BCAS1: variants seen among roughly 807,000 people sequenced by gnomAD.
The protein encoded by BCAS1 is breast carcinoma-amplified sequence 1.
BCAS1 carries 46 observed loss-of-function variants against 65.4 expected under a neutral mutation model. The observed-to-expected ratio is 0.70, with a 90% CI of 0.55 to 0.90. BCAS1 has a LOEUF of 0.90. BCAS1 is among the 40% of genes least tolerant of loss of function. The pLI, the probability that BCAS1 is intolerant of heterozygous loss-of-function variation, is 0.00. For missense variants in BCAS1, 793 were observed against 771.2 expected (o/e 1.03, Z -0.33); for synonymous variants, 298 against 293.5 (o/e 1.02, Z -0.16).
In BCAS1 at chr20:54,057,976, A is replaced by T. The variant is rs990702393; in HGVS notation, c.142+109T>A. The T allele has an allele frequency of 3.8e-5, 32 of 835,948 alleles. 1 individual carries two copies. Among genetic ancestry groups the T allele is most frequent in the Non-Finnish European group, 5.8e-6 (3 of 520,380 alleles). 51.8% of individuals were successfully genotyped at this position (835,948 alleles called of 1,614,324 possible). ...AACAAACGCAAGTATTTTCAAACTG[A>T]GCCTGCGGCTTCGACCCTTTCATTT... On this transcript the variant is annotated intron_variant, in intron 3 of 12. Transcript: ENST00000688948.
intron 4 of BCAS1, among the ~76,000 whole-genome samples, chr20:54,015,965 A>G (rs1367216988): frequency 6.6e-6 from 1 of 152,256 alleles, no homozygotes; most frequent in Non-Finnish European, 1.5e-5. Flanking sequence ...CGATTATTCT[A>G]TTACTGAAAG....
chr20:53,991,277 C>T (rs1169100208), intron 7 of BCAS1, among the ~76,000 whole-genome samples: 1 of 152,158 alleles, frequency 6.6e-6, no homozygotes, highest in East Asian at 1.9e-4. Flanking sequence ...TTTAATCTTC[C>T]CTCCCCCGTT....
At chr20:53,994,865 T>C in intron 6 of BCAS1, 147 bp downstream of exon 6, 1 of 549,604 alleles carries the variant, frequency 1.8e-6, no homozygotes, top group Admixed American at 3.0e-5. Context: ...CACTATTAAA[T>C]TGCTAATTAT....
At chr20:54,037,621 T>C (rs896347789) in intron 3 of BCAS1, among the ~76,000 whole-genome samples, 2 of 151,580 alleles carry the variant, frequency 1.3e-5, no homozygotes, top group Non-Finnish European at 3.0e-5. Context: ...AAACATTTTA[T>C]TTAAGTATAA....
rs761600706 is a variant in BCAS1, at chr20:53,992,655, C to T, written c.928-9G>A. 2 of 1,365,882 alleles carry T rather than the reference C, an allele frequency of 1.5e-6. No homozygotes were observed. Among genetic ancestry groups the T allele is most frequent in the Non-Finnish European group, 2.0e-6 (2 of 1,021,704 alleles). 84.6% of individuals were successfully genotyped at this position (1,365,882 alleles called of 1,614,324 possible). On this transcript the variant is annotated splice_polypyrimidine_tract_variant and intron_variant, in intron 6 of 12. Transcript: ENST00000688948. ...CTTTCTGCTTTCGATGCCTTTGGGGCAACAGCAGTCACAACCTCAGAACTT... is the reference window on the plus strand; with the variant it reads ...CTTTCTGCTTTCGATGCCTTTGGGGTAACAGCAGTCACAACCTCAGAACTT...
At chr20:53,985,883 T>C (rs1158189053) in intron 7 of BCAS1, among the ~76,000 whole-genome samples, 1 of 152,216 alleles carries the variant, frequency 6.6e-6, no homozygotes, top group Admixed American at 6.5e-5. Context: ...CTTCAATACA[T>C]GCATACTTAT....
chr20:54,012,364 T>C (rs2145966673), intron 4 of BCAS1, among the ~76,000 whole-genome samples: 1 of 151,988 alleles, frequency 6.6e-6, no homozygotes, highest in East Asian at 1.9e-4. Flanking sequence ...GATATTGCAC[T>C]ACAGGTCTGA....
intron 4 of BCAS1, among the ~76,000 whole-genome samples, chr20:54,009,945 T>A (rs1022791625): frequency 7.2e-5 from 11 of 152,170 alleles, no homozygotes; most frequent in African/African-American, 2.7e-4. Flanking sequence ...ATTGATGTTA[T>A]CCACAATAGT....
At position 53,962,395 on chromosome 20, in the gene BCAS1, A is replaced by C. The variant is rs549605450; in HGVS notation, c.1485+4511T>G. Among the ~76,000 whole-genome samples the C allele has an allele frequency of 2.6e-5, 4 of 152,358 alleles. No homozygotes were observed. The South Asian group carries it at 8.3e-4, about 32-fold the overall frequency. On this transcript the variant is annotated intron_variant, in intron 10 of 12. Transcript: ENST00000688948. The stretch of plus-strand genomic sequence containing the variant: ...TTATTCCAACAAAGATTTTCTTACA[A>C]ATCTAATGGTCCAAAGAAAGATATG...
intron 7 of BCAS1, among the ~76,000 whole-genome samples, chr20:53,991,608 A>G (rs558103474): frequency 6.6e-6 from 1 of 152,338 alleles, no homozygotes; most frequent in East Asian, 1.9e-4. Flanking sequence ...TGGAAGCATA[A>G]TATTTCCCAA....
intron 9 of BCAS1, among the ~76,000 whole-genome samples, chr20:53,973,189 A>T (rs1357813277): frequency 1.3e-5 from 2 of 152,224 alleles, no homozygotes; most frequent in Non-Finnish European, 2.9e-5. Flanking sequence ...AGATTGCGCC[A>T]CTGCACTCCA....
chr20:54,003,495 A>T (rs2091111165), intron 4 of BCAS1, among the ~76,000 whole-genome samples: 1 of 152,118 alleles, frequency 6.6e-6, no homozygotes, highest in Non-Finnish European at 1.5e-5. Context: ...TTTCTATACC[A>T]CAGTTCTCAG....
intron 12 of BCAS1, among the ~76,000 whole-genome samples, chr20:53,946,532 T>C (rs542520030): frequency 3.4e-5 from 5 of 145,914 alleles, no homozygotes; most frequent in African/African-American, 1.2e-4. Flanking sequence ...CACACACACA[T>C]AGAGAGAGTA....
intron 4 of BCAS1, among the ~76,000 whole-genome samples, chr20:54,003,226 C>CAAAAAAAAAA (rs36065746): frequency 2.6e-4 from 26 of 98,546 alleles, no homozygotes; most frequent in East Asian, 5.8e-4. Context: ...GCCAAACAGA[C>CAAAAAAAAAA]AAAAAAAAAA....
chr20:53,953,747 A>G, intron 11 of BCAS1, 52 bp from the exon 12 acceptor site: 1 of 1,562,906 alleles, frequency 6.4e-7, no homozygotes, highest in East Asian at 2.3e-5. Context: ...GACAACTCTC[A>G]ATAGCAAGGG....
intron 9 of BCAS1, among the ~76,000 whole-genome samples, chr20:53,972,528 G>A (rs1337598461): frequency 6.6e-6 from 1 of 152,194 alleles, no homozygotes; most frequent in Non-Finnish European, 1.5e-5. Context: ...CAACAAAGCA[G>A]CCATAGATGA....
chr20:54,042,513 T>C (rs1396087772), intron 3 of BCAS1, among the ~76,000 whole-genome samples: 2 of 152,240 alleles, frequency 1.3e-5, no homozygotes, highest in African/African-American at 4.8e-5. Context: ...GTACAGTATG[T>C]TTCCATTTGT....
At chr20:54,035,871 G>T (rs6127068) in intron 3 of BCAS1, among the ~76,000 whole-genome samples, 27,244 of 151,124 alleles carry the variant, frequency 0.18, 3,278 homozygotes, top group East Asian at 0.32. Flanking sequence ...ATACTATGCA[G>T]CCATAAAAAG....
Position 53,966,900 on chromosome 20 carries a change from G to A in BCAS1, c.1485+6C>T, listed in dbSNP as rs755640418. The A allele has an allele frequency of 5.6e-6, 9 of 1,603,596 alleles. No individual in the cohort carries two copies. Among genetic ancestry groups the A allele is most frequent in the Non-Finnish European group, 7.6e-6 (9 of 1,176,760 alleles). Reference sequence around the variant, plus strand: ...AGGTTTCCTATACTGGAAGTAAGGGGCTTACCATTTGTCTGAGAAACGCCA... The same window carrying A: ...AGGTTTCCTATACTGGAAGTAAGGGACTTACCATTTGTCTGAGAAACGCCA... On this transcript the variant is annotated splice_donor_region_variant and intron_variant, in intron 10 of 12. Coordinates refer to ENST00000688948, the MANE Select transcript of BCAS1 (RefSeq NM_001366298.2).
Sources: allele counts gnomAD v4.1 joint callset (sites outside exome capture counted in the v4.1 genomes callset), GRCh38; gene constraint gnomAD v4.1.1; transcripts MANE v1.5; gene names NCBI Gene and HGNC (gene_info 2026-07-23, HGNC 2026-07-21).